SNTG1: variants seen among roughly 807,000 people sequenced by gnomAD.
The protein encoded by SNTG1 is gamma-1-syntrophin.
Under a neutral mutation model 74.7 loss-of-function variants are expected in SNTG1, and 39 were observed. The observed-to-expected ratio is 0.52, with a 90% CI of 0.40 to 0.68. The LOEUF (loss-of-function observed/expected upper bound fraction) is 0.68, where lower values mean the gene tolerates loss of function less well. Ranked by LOEUF, SNTG1 falls within the 30% of genes least tolerant of loss-of-function variation. SNTG1 has a pLI of 0.00. For missense variants in SNTG1, 685 were observed against 609.5 expected, an observed-to-expected ratio of 1.12 and a Z score of -1.30; for synonymous variants, 254 against 217.1, an observed-to-expected ratio of 1.17 and a Z score of -1.49.
At position 50,272,382 on chromosome 8, in the gene SNTG1, A is replaced by G. The variant is rs2087829348; in HGVS notation, c.-28+99747A>G. ...CATATACATTTGCTTTCATGCCTGC[A>G]ACTTTCTGTCTTTCCCTGGATCCTC... On this transcript the variant is annotated intron_variant, in intron 2 of 18. Coordinates refer to ENST00000642720, the MANE Select transcript of SNTG1 (RefSeq NM_018967.5). Among the ~76,000 whole-genome samples, 3 of 152,160 alleles carry G rather than the reference A, an allele frequency of 2.0e-5. No homozygotes were observed. The South Asian group carries it at 6.2e-4, about 31-fold the overall frequency.
At chr8:50,772,677 T>G (rs981092099) in intron 18 of SNTG1, among the ~76,000 whole-genome samples, 2 of 152,110 alleles carry the variant, frequency 1.3e-5, no homozygotes, top group African/African-American at 4.8e-5. Flanking sequence ...TGAATATGGT[T>G]TGTTCCTCTG....
intron 1 of SNTG1, among the ~76,000 whole-genome samples, chr8:50,093,036 A>T (rs1442333485): frequency 1.3e-5 from 2 of 152,100 alleles, no homozygotes; most frequent in Non-Finnish European, 2.9e-5. Flanking sequence ...ATTAACACCC[A>T]TCTGTGTAGA....
chr8:50,318,051 A>T (rs12544418), intron 2 of SNTG1, among the ~76,000 whole-genome samples: 74,134 of 151,950 alleles, frequency 0.49, 20,028 homozygotes, highest in East Asian at 0.83. Context: ...TTAGCCAGGA[A>T]GGTCTCGATC....
chr8:50,767,712 T>A (rs908248675), intron 18 of SNTG1, among the ~76,000 whole-genome samples: 3 of 152,000 alleles, frequency 2.0e-5, no homozygotes, highest in Non-Finnish European at 2.9e-5. Context: ...GGCTTACTGA[T>A]ATATTCTCAT....
intron 8 of SNTG1, among the ~76,000 whole-genome samples, chr8:50,495,537 T>G (rs541323884): frequency 5.9e-5 from 9 of 151,600 alleles, no homozygotes; most frequent in Non-Finnish European, 1.2e-4. Flanking sequence ...ATTAACCCAC[T>G]ACTTCCAAAA....
chr8:50,440,027 A>G (rs2093343978), intron 5 of SNTG1, among the ~76,000 whole-genome samples: 1 of 151,514 alleles, frequency 6.6e-6, no homozygotes, highest in East Asian at 1.9e-4. Flanking sequence ...TAAAGCATCA[A>G]TAATTTTTCT....
chr8:50,068,767 G>C (rs1821110091), intron 1 of SNTG1, among the ~76,000 whole-genome samples: 1 of 152,026 alleles, frequency 6.6e-6, no homozygotes, highest in Admixed American at 6.5e-5. Context: ...CTCTGTGGCT[G>C]CTGTTGAATG....
intron 9 of SNTG1, among the ~76,000 whole-genome samples, chr8:50,508,352 G>C (rs1282911863): frequency 3.9e-5 from 6 of 152,116 alleles, no homozygotes; most frequent in South Asian, 4.1e-4. Flanking sequence ...CCAAGTCTTT[G>C]CTATTGTGAA....
intron 18 of SNTG1, among the ~76,000 whole-genome samples, chr8:50,752,900 C>T (rs1320107514): frequency 6.6e-6 from 1 of 151,904 alleles, no homozygotes; most frequent in Non-Finnish European, 1.5e-5. Flanking sequence ...CAACTGTTTT[C>T]CTTAGCTTTT....
chr8:50,567,351 A>T (rs2094521762), intron 12 of SNTG1, among the ~76,000 whole-genome samples: 1 of 152,090 alleles, frequency 6.6e-6, no homozygotes, highest in Admixed American at 6.6e-5. Flanking sequence ...ATTTTACATG[A>T]CATTTCTATT....
chr8:50,394,400 G>A (rs1467411394), intron 3 of SNTG1, 135 bp downstream of exon 3: 2 of 788,052 alleles, frequency 2.5e-6, no homozygotes, highest in Non-Finnish European at 4.0e-6. Context: ...TTTCCTTCCA[G>A]ATTACGTTCT....
chr8:50,757,290 A>G (rs936014960), intron 18 of SNTG1, among the ~76,000 whole-genome samples: 1 of 151,848 alleles, frequency 6.6e-6, no homozygotes, highest in African/African-American at 2.4e-5. Context: ...TTGTATATCA[A>G]CTATGATAGT....
At chr8:50,486,648 C>G (rs1457085927) in intron 8 of SNTG1, among the ~76,000 whole-genome samples, 1 of 147,816 alleles carries the variant, frequency 6.8e-6, no homozygotes, top group Non-Finnish European at 1.5e-5. Flanking sequence ...TTATTTCCTT[C>G]TCCTGCCTAA....
intron 2 of SNTG1, among the ~76,000 whole-genome samples, chr8:50,364,540 A>C (rs1370750515): frequency 6.6e-6 from 1 of 152,088 alleles, no homozygotes; most frequent in African/African-American, 2.4e-5. Context: ...GTTTTTCTTT[A>C]GGATTCTATA....
intron 15 of SNTG1, among the ~76,000 whole-genome samples, chr8:50,670,302 C>A (rs2095273836): frequency 6.6e-6 from 1 of 152,136 alleles, no homozygotes; most frequent in Non-Finnish European, 1.5e-5. Context: ...CCCATTGTCT[C>A]AGCCCAAAAT....
chr8:50,019,133 G>T (rs1816603808), intron 1 of SNTG1, among the ~76,000 whole-genome samples: 1 of 152,034 alleles, frequency 6.6e-6, no homozygotes, highest in Non-Finnish European at 1.5e-5. Context: ...GATGAGAAAG[G>T]TCCCAAAATT....
chr8:50,308,321 C>T (rs1440525777), intron 2 of SNTG1, among the ~76,000 whole-genome samples: 2 of 151,924 alleles, frequency 1.3e-5, no homozygotes, highest in Non-Finnish European at 2.9e-5. Flanking sequence ...TTAGTTCTTC[C>T]ATAGTCGTGA....
At chr8:49,994,213 C>T (rs1366314730) in intron 1 of SNTG1, among the ~76,000 whole-genome samples, 17 of 151,098 alleles carry the variant, frequency 1.1e-4, no homozygotes, top group Admixed American at 2.6e-4. Flanking sequence ...CTATTATCCA[C>T]ATGATATTGG....
chr8:50,696,176 G>T (rs937148700), intron 15 of SNTG1, among the ~76,000 whole-genome samples: 2 of 151,974 alleles, frequency 1.3e-5, no homozygotes, highest in African/African-American at 2.4e-5. Context: ...GGATAAGATG[G>T]TATCTCACTG....
Sources: allele counts gnomAD v4.1 joint callset (sites outside exome capture counted in the v4.1 genomes callset), GRCh38; gene constraint gnomAD v4.1.1; transcripts MANE v1.5; gene names NCBI Gene and HGNC (gene_info 2026-07-23, HGNC 2026-07-21).